ANO4: variants seen among roughly 807,000 people sequenced by gnomAD.
ANO4 encodes the protein anoctamin-4.
In ANO4, 69 loss-of-function variants were observed where a neutral mutation model predicts 141.9. The ratio of observed to expected loss-of-function variants is 0.49; its 90% CI spans 0.40 to 0.59. ANO4 has a LOEUF of 0.59. ANO4 is among the 20% of genes least tolerant of loss of function. ANO4 has a pLI of 0.00. For synonymous variants in ANO4, 350 were observed against 394.3 expected (o/e 0.89, Z 1.33); for missense variants, 894 against 1,162.2 (o/e 0.77, Z 3.36).
intron 1 of ANO4, among the ~76,000 whole-genome samples, chr12:100,811,807 T>C (rs914354248): frequency 6.6e-6 from 1 of 152,212 alleles, no homozygotes; most frequent in Non-Finnish European, 1.5e-5. Flanking sequence ...AGTCACAAAG[T>C]TGAATAACTC....
Position 101,008,979 on chromosome 12 carries a change from C to A in ANO4, c.735-11055C>A, listed in dbSNP as rs1593000063. 3.3e-5 allele frequency among the ~76,000 whole-genome samples: 5 copies of A among 151,958 alleles called. 1 individual carries two copies. The highest frequency in any genetic ancestry group is 3.3e-4 in the Admixed American group (5 of 15,242). ...CATTTCTTACACTTTTTTTATTGTA[C>A]CCTCATTTTGCATTCTCTAGTGACT... On this transcript the variant is annotated intron_variant, in intron 8 of 27. Transcript: ENST00000392977.
intron 1 of ANO4, among the ~76,000 whole-genome samples, chr12:100,812,778 T>C (rs1334170360): frequency 6.6e-6 from 1 of 152,178 alleles, no homozygotes; most frequent in Admixed American, 6.5e-5. Context: ...CTATGAAGAG[T>C]ACATTGTGTT....
chr12:100,801,093 G>GTCTCTCTCTCTCTCTCTCTCTCTCTCTC (rs35462149), intron 1 of ANO4, among the ~76,000 whole-genome samples: 2 of 147,158 alleles, frequency 1.4e-5, no homozygotes, highest in Admixed American at 6.8e-5. Context: ...TTGTCTACTT[G>GTCTCTCTCTCTCTCTCTCTCTCTCTCTC]TCTCTCTCTC....
chr12:100,960,260 G>T (rs76600768), intron 5 of ANO4, among the ~76,000 whole-genome samples: 1 of 149,896 alleles, frequency 6.7e-6, no homozygotes, highest in East Asian at 2.0e-4. Context: ...TCACACACAC[G>T]CACACACACA....
At chr12:100,945,548 T>C (rs1188583526) in intron 5 of ANO4, among the ~76,000 whole-genome samples, 1 of 152,240 alleles carries the variant, frequency 6.6e-6, no homozygotes, top group African/African-American at 2.4e-5. Context: ...TAATTAACAT[T>C]TTCTATTTCT....
At chr12:101,040,159 G>A (rs1032571115) in intron 11 of ANO4, 83 bp downstream of exon 11, 9 of 1,480,290 alleles carry the variant, frequency 6.1e-6, no homozygotes, top group Middle Eastern at 3.7e-4. Context: ...TCCCAATGAA[G>A]CAAAAAGAGC....
At chr12:101,033,502 A>G (rs1436495463) in intron 9 of ANO4, among the ~76,000 whole-genome samples, 1 of 152,142 alleles carries the variant, frequency 6.6e-6, no homozygotes, top group Admixed American at 6.6e-5. Flanking sequence ...AAGATGGATT[A>G]AAGACTTAAA....
intron 25 of ANO4, among the ~76,000 whole-genome samples, chr12:101,119,560 T>C (rs1173687930): frequency 6.6e-6 from 1 of 151,946 alleles, no homozygotes; most frequent in Non-Finnish European, 1.5e-5. Context: ...TATACAGCAA[T>C]AAAAATAAAC....
In ANO4 at chr12:100,975,015, C is replaced by T. The variant is rs577783801; in HGVS notation, c.602+126C>T. ...ACATGGGAAAGTTGGCTGCCATGCA[C>T]ATTTTAAAATCAGCTGTGTCTGATT... On this transcript the variant is annotated intron_variant, in intron 7 of 27. Transcript: ENST00000392977. 8.5e-5 allele frequency: 92 copies of T among 1,086,538 alleles called. No homozygotes were observed. The South Asian group carries it at 1.1e-3, about 13-fold the overall frequency. The allele number at this position is 1,086,538 out of a possible 1,614,324, so 67.3% of individuals were successfully genotyped here.
intron 1 of ANO4, among the ~76,000 whole-genome samples, 185 bp downstream of exon 1, chr12:100,795,212 T>G (rs1257790217): frequency 6.6e-6 from 1 of 152,166 alleles, no homozygotes; most frequent in Non-Finnish European, 1.5e-5. Context: ...TCTTTTTATC[T>G]TTTTTCCATA....
At position 100,788,801 on chromosome 12, in the gene ANO4, T is replaced by C. The variant is rs191213839; in HGVS notation, c.358+48696T>C. 1.4e-3 allele frequency among the ~76,000 whole-genome samples: 207 copies of C among 151,592 alleles called. 1 individual carries two copies. Among genetic ancestry groups the C allele is most frequent in the Admixed American group, 3.7e-3 (56 of 15,246 alleles). ...TGCCTGAGTGGAGCGTACATGATAGTGTAGAGGATAGACATTAAACAAGCA... is the reference window on the plus strand; with the variant it reads ...TGCCTGAGTGGAGCGTACATGATAGCGTAGAGGATAGACATTAAACAAGCA... On this transcript the variant is annotated intron_variant, in intron 3 of 29. Transcript: ENST00000644049.
upstream of ANO4, among the ~76,000 whole-genome samples, chr12:100,789,967 A>G (rs1388230592): frequency 3.3e-5 from 5 of 152,222 alleles, no homozygotes; most frequent in African/African-American, 1.2e-4. Flanking sequence ...GCGGAAACAC[A>G]GAGGAAGAAG....
At position 100,794,842 on chromosome 12, in the gene ANO4, C is replaced by T. The variant is rs1444095376; in HGVS notation, c.-326C>T. 6.6e-6 allele frequency: 1 copy of T among 152,478 alleles called. No individual in the cohort carries two copies. Among genetic ancestry groups the T allele is most frequent in the Non-Finnish European group, 1.5e-5 (1 of 68,086 alleles). The allele number at this position is 152,478 out of a possible 1,614,324, so 9.4% of individuals were successfully genotyped here. A position where few individuals can be genotyped will look rare whatever the true frequency, so the allele number is the denominator to read the frequency against. On this transcript the variant is annotated 5_prime_UTR_variant, in exon 1 of 28. Transcript: ENST00000392977. ...CTTCTCAGGGTTTTTACAGCACAAACAACTGCATACGGCCCGAGGGGAGGC... is the reference window on the plus strand; with the variant it reads ...CTTCTCAGGGTTTTTACAGCACAAATAACTGCATACGGCCCGAGGGGAGGC...
chr12:100,782,620 G>A (rs2033746467), intron 3 of ANO4, among the ~76,000 whole-genome samples: 1 of 152,136 alleles, frequency 6.6e-6, no homozygotes, highest in Non-Finnish European at 1.5e-5. Context: ...CACCAGTTGT[G>A]TGACCTTGGG....
chr12:101,014,550 C>T (rs376853307), intron 8 of ANO4, among the ~76,000 whole-genome samples: 21 of 152,294 alleles, frequency 1.4e-4, no homozygotes, highest in African/African-American at 4.8e-4. Flanking sequence ...ACAGGCAGAC[C>T]TGGGCCCCTC....
At chr12:100,863,332 A>G (rs2038580549) in intron 1 of ANO4, among the ~76,000 whole-genome samples, 1 of 152,214 alleles carries the variant, frequency 6.6e-6, no homozygotes, top group Non-Finnish European at 1.5e-5. Flanking sequence ...ACCAGAACAG[A>G]AAAAGGGTGA....
chr12:101,085,966 A>G (rs538483269), intron 16 of ANO4, among the ~76,000 whole-genome samples: 1 of 152,298 alleles, frequency 6.6e-6, no homozygotes, highest in South Asian at 2.1e-4. Flanking sequence ...ACCATATGGT[A>G]TGGCTACCAC....
At chr12:100,806,524 G>T (rs201475026) in intron 1 of ANO4, among the ~76,000 whole-genome samples, 26,059 of 59,718 alleles carry the variant, frequency 0.44, 5,347 homozygotes, top group Middle Eastern at 0.64. Context: ...TTTTTGTTTC[G>T]TTTTTTTTTT....
At chr12:100,736,143 G>T (rs1458006524) in intron 2 of ANO4, among the ~76,000 whole-genome samples, 1 of 152,148 alleles carries the variant, frequency 6.6e-6, no homozygotes, top group Non-Finnish European at 1.5e-5. Context: ...GTGAGTGGGT[G>T]GCGGGATGGG....
Sources: allele counts gnomAD v4.1 joint callset (sites outside exome capture counted in the v4.1 genomes callset), GRCh38; gene constraint gnomAD v4.1.1; transcripts MANE v1.5; gene names NCBI Gene and HGNC (gene_info 2026-07-23, HGNC 2026-07-21).